Variants in EEF2K observed in about 807,000 individuals in gnomAD.
EEF2K encodes the protein eukaryotic elongation factor 2 kinase.
EEF2K carries 70 observed loss-of-function variants against 93.8 expected under a neutral mutation model. The ratio of observed to expected loss-of-function variants is 0.75; its 90% CI spans 0.62 to 0.91. The LOEUF is 0.91. EEF2K is among the 40% of genes least tolerant of loss of function. The pLI is 0.00. For missense variants in EEF2K, 935 were observed against 972.9 expected (o/e 0.96, Z 0.52); for synonymous variants, 376 against 380.8 (o/e 0.99, Z 0.15).
At chr16:22,246,768 G>A (rs1156857852) in intron 3 of EEF2K, among the ~76,000 whole-genome samples, 2 of 151,834 alleles carry the variant, frequency 1.3e-5, no homozygotes, top group African/African-American at 2.4e-5. Context: ...GGCCGGGTGC[G>A]ATGGCTCACG....
At position 22,286,626 on chromosome 16, in the gene EEF2K, T is replaced by C. The variant is rs1258627887; in HGVS notation, c.*2630T>C. The C allele has an allele frequency of 6.6e-6, 1 of 152,246 alleles. No homozygotes were observed. Among genetic ancestry groups the C allele is most frequent in the East Asian group, 1.9e-4 (1 of 5,200 alleles). The allele number at this position is 152,246 out of a possible 1,614,324, so 9.4% of individuals were successfully genotyped here. A position where few individuals can be genotyped will look rare whatever the true frequency, so the allele number is the denominator to read the frequency against. On this transcript the variant is annotated 3_prime_UTR_variant, in exon 18 of 18. Coordinates refer to ENST00000263026, the MANE Select transcript of EEF2K (RefSeq NM_013302.5). Reference sequence around the variant, plus strand: ...GCTGGTGTTCCAATAAAACTTTATTTACACAAACGGGTGGCCCTTTTGGGC... The same window carrying C: ...GCTGGTGTTCCAATAAAACTTTATTCACACAAACGGGTGGCCCTTTTGGGC...
At chr16:22,225,137 C>T (rs888144336) in intron 1 of EEF2K, among the ~76,000 whole-genome samples, 1 of 152,032 alleles carries the variant, frequency 6.6e-6, no homozygotes, top group African/African-American at 2.4e-5. Context: ...AAGGTTGTTC[C>T]AGGCACAAGG....
intron 17 of EEF2K, 145 bp from the exon 18 acceptor site, chr16:22,283,742 A>T (rs537495348): frequency 2.7e-6 from 2 of 739,374 alleles, no homozygotes; most frequent in East Asian, 5.4e-5. Context: ...CCCGCCCGGA[A>T]CACCTGGAGG....
At position 22,244,689 on chromosome 16, in the gene EEF2K, C is replaced by A; in HGVS notation, c.306C>A (p.Phe102Leu). ...AKHMPDPWAE[F>L]HLEDIATERA... Reference sequence around the variant, plus strand: ...ACATGCCCGACCCCTGGGCTGAGTTCCACCTGGAAGATATTGCCACCGAAC... The same window carrying A: ...ACATGCCCGACCCCTGGGCTGAGTTACACCTGGAAGATATTGCCACCGAAC... Residue 102 changes from phenylalanine (F) to leucine (L), a missense_variant, in exon 3 of 18, where the codon TTC becomes TTA. Physicochemically the swap from Phe to Leu is conservative, Grantham distance 22. Coordinates refer to ENST00000263026, the MANE Select transcript of EEF2K (RefSeq NM_013302.5). 1 of 1,614,034 alleles carries A rather than the reference C, an allele frequency of 6.2e-7. No individual in the cohort carries two copies. Among genetic ancestry groups the A allele is most frequent in the South Asian group, 1.1e-5 (1 of 91,072 alleles).
rs1032892884 is a variant in EEF2K at position 22,284,264 on chromosome 16, G to A, written c.*268G>A. The A allele has an allele frequency of 5.0e-6, 2 of 400,218 alleles. No homozygotes were observed. The highest frequency in any genetic ancestry group is 9.1e-6 in the Non-Finnish European group (2 of 218,588). The allele number at this position is 400,218 out of a possible 1,614,324, so 24.8% of individuals were successfully genotyped here. On this transcript the variant is annotated 3_prime_UTR_variant, in exon 18 of 18. Coordinates refer to ENST00000263026, the MANE Select transcript of EEF2K (RefSeq NM_013302.5). ...CTAATGAACCAACATACCGTTTTGTGTGTGGTTTTTTTTGTTTGTTTGTTT... is the reference window on the plus strand; with the variant it reads ...CTAATGAACCAACATACCGTTTTGTATGTGGTTTTTTTTGTTTGTTTGTTT...
chr16:22,251,339 C>T lies in EEF2K; in HGVS notation c.618+17C>T, dbSNP rs956050461. 1 of 1,612,992 alleles carries T rather than the reference C, an allele frequency of 6.2e-7. No individual in the cohort carries two copies. The highest frequency in any genetic ancestry group is 1.3e-5 in the African/African-American group (1 of 75,020). Reference sequence around the variant, plus strand: ...CCCAAGCAGGTGCGTGGCCCCACTACCTGCCCCCTTTCCATGCCAGGGCAG... The same window carrying T: ...CCCAAGCAGGTGCGTGGCCCCACTATCTGCCCCCTTTCCATGCCAGGGCAG... On this transcript the variant is annotated intron_variant, in intron 6 of 17. Transcript: ENST00000263026.
At chr16:22,259,969 T>A (rs2047446302) in intron 10 of EEF2K, among the ~76,000 whole-genome samples, 1 of 152,128 alleles carries the variant, frequency 6.6e-6, no homozygotes, top group East Asian at 1.9e-4. Flanking sequence ...GCCAGATTGG[T>A]CTTGAACTCC....
chr16:22,251,109 C>T (rs2047345324), intron 5 of EEF2K, 42 bp from the exon 6 acceptor site: 1 of 1,588,704 alleles, frequency 6.3e-7, no homozygotes, highest in African/African-American at 1.3e-5. Flanking sequence ...CCTGGTGAAC[C>T]CCAGAGTACC....
chr16:22,220,847 C>T (rs750032922), intron 1 of EEF2K, among the ~76,000 whole-genome samples: 10 of 152,194 alleles, frequency 6.6e-5, no homozygotes, highest in Non-Finnish European at 1.0e-4. Flanking sequence ...CCCCAGTGGC[C>T]GCTGACTAGG....
chr16:22,278,631 C>T (rs1347615381), intron 16 of EEF2K, among the ~76,000 whole-genome samples: 4 of 152,194 alleles, frequency 2.6e-5, no homozygotes, highest in Non-Finnish European at 4.4e-5. Flanking sequence ...GACAGCAAGT[C>T]ATCAGACCTA....
intron 15 of EEF2K, among the ~76,000 whole-genome samples, chr16:22,272,986 C>T (rs1293077399): frequency 6.6e-6 from 1 of 152,264 alleles, no homozygotes; most frequent in Non-Finnish European, 1.5e-5. Context: ...GTGATGTGTA[C>T]TTATGATGTG....
At chr16:22,216,149 C>T (rs2046955778) in intron 1 of EEF2K, among the ~76,000 whole-genome samples, 1 of 152,178 alleles carries the variant, frequency 6.6e-6, no homozygotes, top group African/African-American at 2.4e-5. Context: ...AGCTGTTAGC[C>T]ACTGTATTGG....
At chr16:22,257,550 A>G in intron 8 of EEF2K, 93 bp from the exon 9 acceptor site, 2 of 1,562,034 alleles carry the variant, frequency 1.3e-6, no homozygotes, top group Non-Finnish European at 1.7e-6. Context: ...GGCACGTTTT[A>G]TACCTGCCCT....
chr16:22,250,509 A>G (rs2047339051), intron 4 of EEF2K, 145 bp from the exon 5 acceptor site: 1 of 951,176 alleles, frequency 1.1e-6, no homozygotes, highest in Non-Finnish European at 1.6e-6. Context: ...TGAGACATAG[A>G]AGGGAGATCC....
chr16:22,258,710 G>A lies in EEF2K; in HGVS notation c.1231+15G>A, dbSNP rs746798941. The A allele has an allele frequency of 6.9e-5, 111 of 1,613,788 alleles. No homozygotes were observed. Among genetic ancestry groups the A allele is most frequent in the Non-Finnish European group, 8.3e-5 (98 of 1,180,022 alleles). Reference sequence around the variant, plus strand: ...AGACCACCTCCGTGAGTGACGGTTCGGTCCCTAGTCACTGTGATTGGAGGG... The same window carrying A: ...AGACCACCTCCGTGAGTGACGGTTCAGTCCCTAGTCACTGTGATTGGAGGG... On this transcript the variant is annotated intron_variant, in intron 10 of 17. Coordinates refer to ENST00000263026, the MANE Select transcript of EEF2K (RefSeq NM_013302.5).
intron 9 of EEF2K, 138 bp downstream of exon 9, chr16:22,257,908 A>G: frequency 1.5e-6 from 2 of 1,339,198 alleles, no homozygotes; most frequent in Non-Finnish European, 2.0e-6. Flanking sequence ...CATCTGTCCC[A>G]TCCATGCCCC....
Position 22,280,215 on chromosome 16 carries a change from A to C in EEF2K, c.1907A>C (p.Glu636Ala), listed in dbSNP as rs369477263. 7.2e-6 allele frequency: 11 copies of C among 1,525,452 alleles called. No individual in the cohort carries two copies. Among genetic ancestry groups the C allele is most frequent in the African/African-American group, 2.8e-5 (2 of 70,954 alleles). 94.5% of individuals were successfully genotyped at this position (1,525,452 alleles called of 1,614,324 possible). ...LSPDRCQDWL[E>A]ALHWYNTALE... ...CTGGCAAGGTGCCAAGACTGGCTAG[A>C]GGCCCTGCACTGGTACAACACTGCC... Residue 636 changes from glutamate (E) to alanine (A), a missense_variant, in exon 17 of 18, where the codon GAG becomes GCG. Coordinates refer to ENST00000263026, the MANE Select transcript of EEF2K (RefSeq NM_013302.5).
rs200714248 is a variant in EEF2K, at chr16:22,258,500, G to A, written c.1036G>A (p.Ala346Thr). Residue 346 changes from alanine (A) to threonine (T), a missense_variant, in exon 10 of 18, where the codon GCC becomes ACC. Coordinates refer to ENST00000263026, the MANE Select transcript of EEF2K (RefSeq NM_013302.5). The stretch of plus-strand genomic sequence containing the variant: ...TCCCTATTAATGTCCCTAGCAATCA[G>A]CCAAGACCATCTTGAGAGGAACAGA... The part of the protein sequence containing the change: ...VNQNTKLLQS[A>T]KTILRGTEEK... 43 of 1,614,044 alleles carry A rather than the reference G, an allele frequency of 2.7e-5. No homozygotes were observed. In the East Asian group the frequency reaches 8.9e-4, roughly 33 times the overall value.
intron 11 of EEF2K, 74 bp from the exon 12 acceptor site, chr16:22,263,036 G>T: frequency 7.3e-7 from 1 of 1,378,390 alleles, no homozygotes; most frequent in South Asian, 1.2e-5. Flanking sequence ...TAACAGTTGG[G>T]GTGTTGAGAT....
Sources: allele counts gnomAD v4.1 joint callset (sites outside exome capture counted in the v4.1 genomes callset), GRCh38; gene constraint gnomAD v4.1.1; transcripts MANE v1.5; gene names NCBI Gene and HGNC (gene_info 2026-07-23, HGNC 2026-07-21).